The following PRKCB variants were observed in gnomAD, a reference collection of about 807,000 sequenced individuals.
PRKCB encodes protein kinase C beta.
In PRKCB, 13 loss-of-function variants were observed where a neutral mutation model predicts 81.5. The observed-to-expected ratio is 0.16, with a 90% CI of 0.10 to 0.25. The LOEUF (loss-of-function observed/expected upper bound fraction) is 0.25. PRKCB is among the 10% of genes least tolerant of loss of function. The probability of loss-of-function intolerance (pLI) is 1.00; values close to 1 mark genes in which losing one functional copy is unlikely to be tolerated. For missense variants in PRKCB, 509 were observed against 875.7 expected (o/e 0.58, Z 5.29); for synonymous variants, 335 against 321.4 (o/e 1.04, Z -0.45).
At chr16:23,865,592 T>C (rs1038417631) in intron 2 of PRKCB, among the ~76,000 whole-genome samples, 2 of 144,454 alleles carry the variant, frequency 1.4e-5, no homozygotes, top group South Asian at 4.4e-4. Flanking sequence ...TAAATTTTTA[T>C]ATATAAATAT....
At chr16:23,849,103 C>A (rs1962427880) in intron 2 of PRKCB, among the ~76,000 whole-genome samples, 1 of 152,216 alleles carries the variant, frequency 6.6e-6, no homozygotes, top group Admixed American at 6.5e-5. Context: ...CTGAGAAACC[C>A]TTTCCTGGCC....
chr16:24,021,207 T>TTCCTTCC (rs1965385745), intron 3 of PRKCB, among the ~76,000 whole-genome samples: 1 of 73,382 alleles, frequency 1.4e-5, no homozygotes, highest in Non-Finnish European at 2.7e-5. Flanking sequence ...TCTTTCTTTC[T>TTCCTTCC]TTCTTTCTTT....
chr16:23,993,553 T>A (rs1964916661), intron 3 of PRKCB, among the ~76,000 whole-genome samples: 1 of 152,208 alleles, frequency 6.6e-6, no homozygotes, highest in Admixed American at 6.5e-5. Context: ...TATGTCTCTG[T>A]CAATACTTTG....
chr16:24,002,755 A>G (rs947452090), intron 3 of PRKCB, among the ~76,000 whole-genome samples: 1 of 152,150 alleles, frequency 6.6e-6, no homozygotes, highest in Admixed American at 6.5e-5. Flanking sequence ...TCACATGGCC[A>G]AGGAGCATGC....
chr16:24,190,725 G>T (rs1374828319), intron 15 of PRKCB, among the ~76,000 whole-genome samples: 1 of 151,976 alleles, frequency 6.6e-6, no homozygotes, highest in Non-Finnish European at 1.5e-5. Flanking sequence ...CACCATGTTG[G>T]CCAGGATGGT....
intron 15 of PRKCB, among the ~76,000 whole-genome samples, chr16:24,190,580 C>T (rs1300000475): frequency 4.9e-5 from 7 of 143,330 alleles, no homozygotes; most frequent in African/African-American, 5.3e-5. Flanking sequence ...AGTGCAGTGG[C>T]GCGATCTCAG....
chr16:24,024,270 C>T (rs1293756699), intron 3 of PRKCB, among the ~76,000 whole-genome samples: 2 of 152,110 alleles, frequency 1.3e-5, no homozygotes, highest in African/African-American at 4.8e-5. Flanking sequence ...AAGTTGAACT[C>T]ACAGAAGTAG....
intron 16 of PRKCB, 39 bp from the exon 17 acceptor site, chr16:24,214,619 T>C: frequency 6.4e-7 from 1 of 1,564,620 alleles, no homozygotes; most frequent in Non-Finnish European, 8.7e-7. Context: ...TTTGTTTTTT[T>C]TCCCACCCAC....
At chr16:24,016,092 C>T (rs1358347711) in intron 3 of PRKCB, among the ~76,000 whole-genome samples, 1 of 152,032 alleles carries the variant, frequency 6.6e-6, no homozygotes, top group African/African-American at 2.4e-5. Context: ...ATTGTTATCC[C>T]CTAGGGATAA....
chr16:24,104,743 AC>A (rs1039613683), intron 7 of PRKCB, among the ~76,000 whole-genome samples: 8 of 152,180 alleles, frequency 5.3e-5, no homozygotes, highest in African/African-American at 1.9e-4. Context: ...GCAGGAGTGC[AC>A]CCGGCAAGTT....
Position 23,960,830 on chromosome 16 carries a change from A to G in PRKCB, c.206-27678A>G, listed in dbSNP as rs148728219. Among the ~76,000 whole-genome samples, 18 of 152,296 alleles carry G rather than the reference A, an allele frequency of 1.2e-4. No homozygotes were observed. In the East Asian group the frequency reaches 3.5e-3, roughly 29 times the overall value. The stretch of plus-strand genomic sequence containing the variant: ...TCTCACAGAAGCTGTTTGTACTTTA[A>G]TCATTGTCTGAGAGTCTGGGGTATC... On this transcript the variant is annotated intron_variant, in intron 2 of 16. Transcript: ENST00000643927.
chr16:23,836,208 C>T lies in PRKCB; in HGVS notation c.33C>T (p.Ser11=), dbSNP rs1962151180. 6.4e-6 allele frequency: 10 copies of T among 1,574,320 alleles called. No individual in the cohort carries two copies. In the South Asian group the frequency reaches 8.0e-5, roughly 13 times the overall value. ...ACCCGGCTGCGGGGCCGCCGCCGAG[C>T]GAGGGCGAGGAGAGCACCGTGCGCT... MADPAAGPPP[S]EGEESTVRFA... Residue 11 remains serine (S), a synonymous_variant, in exon 1 of 17, where the codon AGC becomes AGT. Transcript: ENST00000643927.
chr16:24,119,993 C>T (rs566384606), intron 8 of PRKCB, among the ~76,000 whole-genome samples: 1 of 152,284 alleles, frequency 6.6e-6, no homozygotes, highest in South Asian at 2.1e-4. Context: ...GGATAAACAT[C>T]AACAATGAGT....
chr16:24,038,790 G>A (rs1201564326), intron 5 of PRKCB, among the ~76,000 whole-genome samples: 5 of 152,230 alleles, frequency 3.3e-5, no homozygotes, highest in African/African-American at 4.8e-5. Flanking sequence ...TGTGGTCTCC[G>A]TGGAAGTCTT....
chr16:23,933,084 C>T (rs1233474609), intron 2 of PRKCB, among the ~76,000 whole-genome samples: 3 of 152,074 alleles, frequency 2.0e-5, no homozygotes, highest in Non-Finnish European at 4.4e-5. Flanking sequence ...TAGTTTTGTT[C>T]GGTGGCAATG....
chr16:23,851,722 A>G (rs964484239), intron 2 of PRKCB, among the ~76,000 whole-genome samples: 4 of 152,162 alleles, frequency 2.6e-5, no homozygotes, highest in Non-Finnish European at 2.9e-5. Context: ...TGAACACGGA[A>G]TATCTTTTCA....
At chr16:23,989,187 G>A (rs377585268) in intron 3 of PRKCB, among the ~76,000 whole-genome samples, 14 of 152,218 alleles carry the variant, frequency 9.2e-5, no homozygotes, top group African/African-American at 3.4e-4. Context: ...GGATGGTCTC[G>A]ATCTCCTGAC....
chr16:23,847,540 T>TCCATC (rs1567288442), intron 2 of PRKCB, among the ~76,000 whole-genome samples: 1 of 30,962 alleles, frequency 3.2e-5, no homozygotes, highest in Admixed American at 2.4e-4. Flanking sequence ...ATTCTTCCAT[T>TCCATC]CATCCATCCA....
At chr16:24,035,742 C>A (rs1446969054) in intron 5 of PRKCB, among the ~76,000 whole-genome samples, 195 bp downstream of exon 5, 2 of 152,188 alleles carry the variant, frequency 1.3e-5, no homozygotes, top group Non-Finnish European at 2.9e-5. Flanking sequence ...TCTTTAGAAA[C>A]TGTACACCCT....
Sources: allele counts gnomAD v4.1 joint callset (sites outside exome capture counted in the v4.1 genomes callset), GRCh38; gene constraint gnomAD v4.1.1; transcripts MANE v1.5; gene names NCBI Gene and HGNC (gene_info 2026-07-23, HGNC 2026-07-21).